The following SLC9B2 variants were observed in gnomAD, a reference collection of about 807,000 sequenced individuals.
SLC9B2 encodes the protein solute carrier family 9 member B2, also known as sodium/hydrogen exchanger 9B2.
Under a neutral mutation model 52.2 loss-of-function variants are expected in SLC9B2, and 39 were observed. That is an observed-to-expected ratio of 0.75 (90% CI 0.58 to 0.98). SLC9B2 has a LOEUF of 0.98. SLC9B2 is among the 50% of genes least tolerant of loss of function. The probability of loss-of-function intolerance (pLI) is 0.00; values close to 1 mark genes in which losing one functional copy is unlikely to be tolerated. For synonymous variants in SLC9B2, 214 were observed against 227.0 expected, an observed-to-expected ratio of 0.94 and a Z score of 0.51; for missense variants, 626 against 637.5, an observed-to-expected ratio of 0.98 and a Z score of 0.19.
chr4:103,054,880 A>T (rs1011139383), intron 4 of SLC9B2, among the ~76,000 whole-genome samples: 26 of 152,306 alleles, frequency 1.7e-4, no homozygotes, highest in African/African-American at 5.5e-4. Flanking sequence ...CAGCCATCCC[A>T]TTACTGGGTA....
chr4:103,045,004 A>C lies in SLC9B2; in HGVS notation c.890-8T>G. 6.3e-7 allele frequency: 1 copy of C among 1,592,746 alleles called. No individual in the cohort carries two copies. The highest frequency in any genetic ancestry group is 8.6e-7 in the Non-Finnish European group (1 of 1,163,308). On this transcript the variant is annotated splice_region_variant and splice_polypyrimidine_tract_variant and intron_variant, in intron 7 of 11. Coordinates refer to ENST00000394785, the MANE Select transcript of SLC9B2 (RefSeq NM_178833.7). ...CATTAAAGACAGTAGAGCCTGAAAA[A>C]TATATTAAAAAAACTTAGAGCTCTA...
intron 1 of SLC9B2, among the ~76,000 whole-genome samples, chr4:103,072,163 A>G (rs1193173467): frequency 6.9e-6 from 1 of 145,950 alleles, no homozygotes; most frequent in Non-Finnish European, 1.5e-5. Flanking sequence ...GTTTCAAGCT[A>G]TTCTCCTGCC....
intron 5 of SLC9B2, 81 bp from the exon 6 acceptor site, chr4:103,049,101 A>G (rs1056568751): frequency 2.7e-6 from 4 of 1,507,984 alleles, no homozygotes; most frequent in Non-Finnish European, 3.6e-6. Flanking sequence ...TCTCTTCAGT[A>G]TATGGACCAC....
intron 5 of SLC9B2, among the ~76,000 whole-genome samples, chr4:103,049,869 G>A (rs903684066): frequency 2.6e-5 from 4 of 152,058 alleles, no homozygotes; most frequent in East Asian, 1.9e-4. Context: ...AAAATTAGCC[G>A]GGTGTGGTAG....
downstream of SLC9B2, among the ~76,000 whole-genome samples, chr4:103,019,249 G>A (rs1741606115): frequency 6.6e-6 from 1 of 152,160 alleles, no homozygotes; most frequent in South Asian, 2.1e-4. Flanking sequence ...TATTTGCAGG[G>A]ATCCACCGTT....
chr4:103,028,736 A>C lies in SLC9B2; in HGVS notation c.1392+11T>G. The C allele has an allele frequency of 6.3e-7, 1 of 1,599,484 alleles. No homozygotes were observed. Among genetic ancestry groups the C allele is most frequent in the Non-Finnish European group, 8.5e-7 (1 of 1,175,454 alleles). On this transcript the variant is annotated intron_variant, in intron 11 of 11. Transcript: ENST00000394785. ...AGCAGTTAAAATGCTAAGCCATCCT[A>C]TCCATCATACCTGAACTGTGGCCTT...
chr4:103,019,986 T>C (rs1741674119), downstream of SLC9B2: 1 of 940,866 alleles, frequency 1.1e-6, no homozygotes. Flanking sequence ...AAAACTCAGA[T>C]TGTGTTTCCC....
intron 10 of SLC9B2, among the ~76,000 whole-genome samples, chr4:103,031,011 A>AT (rs11286087): frequency 3.7e-4 from 56 of 151,448 alleles, no homozygotes; most frequent in African/African-American, 1.2e-3. Context: ...GAAGAGAAGC[A>AT]TTTTTTTTTA....
chr4:103,064,878 T>C (rs1193311766), intron 3 of SLC9B2, among the ~76,000 whole-genome samples: 2 of 152,146 alleles, frequency 1.3e-5, no homozygotes, highest in Non-Finnish European at 2.9e-5. Flanking sequence ...AAAATATGAT[T>C]TATAAAAGTG....
Position 103,054,838 on chromosome 4 carries a change from C to G in SLC9B2, c.442+2963G>C, listed in dbSNP as rs530915397. 6.6e-5 allele frequency among the ~76,000 whole-genome samples: 10 copies of G among 152,264 alleles called. No homozygotes were observed. The South Asian group carries it at 2.1e-3, about 32-fold the overall frequency. ...TGTGGAAGTCAGTGTGGTGATTCCT[C>G]AGGGATCTAGAACTAGAAATACCAT... On this transcript the variant is annotated intron_variant, in intron 4 of 11. Coordinates refer to ENST00000394785, the MANE Select transcript of SLC9B2 (RefSeq NM_178833.7).
At chr4:103,074,669 C>T (rs944796378) in intron 1 of SLC9B2, among the ~76,000 whole-genome samples, 2 of 152,230 alleles carry the variant, frequency 1.3e-5, no homozygotes, top group Non-Finnish European at 2.9e-5. Context: ...ATTTCCCCTC[C>T]TCTACCCTGA....
chr4:103,020,342 G>A (rs1287080316), downstream of SLC9B2: 1 of 451,142 alleles, frequency 2.2e-6, no homozygotes, highest in Non-Finnish European at 4.4e-6. Flanking sequence ...GGGCCCAGAA[G>A]CTTTGGCCTT....
At chr4:103,057,123 C>T (rs537506999) in intron 4 of SLC9B2, among the ~76,000 whole-genome samples, 2 of 151,988 alleles carry the variant, frequency 1.3e-5, no homozygotes, top group East Asian at 3.9e-4. Context: ...GTGGCAGTGG[C>T]ACACCATTAT....
At chr4:103,053,613 C>A (rs1744873798) in intron 4 of SLC9B2, among the ~76,000 whole-genome samples, 1 of 152,146 alleles carries the variant, frequency 6.6e-6, no homozygotes, top group South Asian at 2.1e-4. Flanking sequence ...ATATTAGAAT[C>A]ATCTGGAGAG....
At chr4:103,047,003 C>T (rs1210881677) in intron 7 of SLC9B2, 48 bp downstream of exon 7, 17 of 1,573,628 alleles carry the variant, frequency 1.1e-5, no homozygotes, top group Middle Eastern at 1.7e-4. Flanking sequence ...TTTTAACCTA[C>T]GTCCCTAGAA....
At chr4:103,068,261 A>G (rs1560561578) in intron 1 of SLC9B2, among the ~76,000 whole-genome samples, 1 of 152,222 alleles carries the variant, frequency 6.6e-6, no homozygotes, top group Non-Finnish European at 1.5e-5. Flanking sequence ...GGATTGGCTC[A>G]ATAAACACTC....
intron 10 of SLC9B2, 52 bp downstream of exon 10, chr4:103,031,648 A>T: frequency 7.3e-7 from 1 of 1,376,566 alleles, no homozygotes; most frequent in Non-Finnish European, 1.0e-6. Flanking sequence ...ATTGGTGAGT[A>T]GGCTGACCAA....
rs1235577309 is a variant in SLC9B2 at position 103,024,218 on chromosome 4, C to T, written c.*2152G>A. On this transcript the variant is annotated 3_prime_UTR_variant, in exon 12 of 12. Coordinates refer to ENST00000394785, the MANE Select transcript of SLC9B2 (RefSeq NM_178833.7). Reference sequence around the variant, plus strand: ...GACAATATTATTCTTGATGATGTGCCTGGATCTCAAAAGCTTTCAGTAAGT... The same window carrying T: ...GACAATATTATTCTTGATGATGTGCTTGGATCTCAAAAGCTTTCAGTAAGT... Among the ~76,000 whole-genome samples the T allele has an allele frequency of 2.0e-5, 3 of 152,108 alleles. No individual in the cohort carries two copies. In the East Asian group the frequency reaches 5.8e-4, roughly 29 times the overall value.
At chr4:103,057,998 C>T (rs1363260145) in intron 3 of SLC9B2, 27 bp from the exon 4 acceptor site, 2 of 1,581,216 alleles carry the variant, frequency 1.3e-6, no homozygotes, top group East Asian at 2.3e-5. Flanking sequence ...ATACTAGTTA[C>T]TATCAATAAG....
Sources: gnomAD v4.1 joint callset for allele counts (sites outside exome capture counted in the v4.1 genomes callset) on GRCh38, gnomAD v4.1.1 for gene constraint, MANE v1.5 for transcripts, NCBI Gene and HGNC (gene_info 2026-07-23, HGNC 2026-07-21) for gene names.